SMS: variants seen among roughly 807,000 people sequenced by gnomAD.
SMS encodes spermine synthase, also known as spermidine aminopropyltransferase.
In SMS, 3 loss-of-function variants were observed where a neutral mutation model predicts 33.0. That is an observed-to-expected ratio of 0.09 (90% CI 0.04 to 0.23). The LOEUF (loss-of-function observed/expected upper bound fraction) is 0.23, where lower values mean the gene tolerates loss of function less well. Among genes scored for constraint, SMS ranks in the 10% least tolerant of loss-of-function variants. SMS has a pLI of 1.00. For synonymous variants in SMS, 103 were observed against 112.2 expected, an observed-to-expected ratio of 0.92 and a Z score of 0.52; for missense variants, 117 against 288.6, an observed-to-expected ratio of 0.41 and a Z score of 4.31.
Position 21,984,431 on chromosome X carries a change from A to C in SMS, c.865+13A>C. ...TCTCCAGAAGAAGGTAGATTTTTTT[A>C]ACCAAGATATTTATGATGGAAATGT... On this transcript the variant is annotated intron_variant, in intron 8 of 10. Coordinates refer to ENST00000404933, the MANE Select transcript of SMS (RefSeq NM_004595.5). The C allele has an allele frequency of 1.0e-6, 1 of 975,215 alleles. No individual in the cohort carries two copies. The highest frequency in any genetic ancestry group is 3.0e-5 in the East Asian group (1 of 32,835). 80.4% of individuals were successfully genotyped at this position (975,215 alleles called of 1,213,427 possible).
chrX:21,948,985 C>T (rs1922426708), intron 1 of SMS, among the ~76,000 whole-genome samples: 1 of 112,067 alleles, frequency 8.9e-6, no homozygotes, highest in Admixed American at 9.4e-5. Context: ...TACAGCTAGG[C>T]ACTTTTCCAG....
At chrX:21,976,299 T>G (rs1426777823) in intron 4 of SMS, among the ~76,000 whole-genome samples, 1 of 110,918 alleles carries the variant, frequency 9.0e-6, no homozygotes, top group Non-Finnish European at 1.9e-5. Flanking sequence ...CTTAGTAATT[T>G]CAGAGGGTGA....
intron 2 of SMS, among the ~76,000 whole-genome samples, chrX:21,968,845 C>G (rs1264047741): frequency 1.8e-5 from 2 of 111,544 alleles, no homozygotes; most frequent in Admixed American, 1.9e-4. Context: ...ATGAGTGCAC[C>G]AAAATCTCAC....
At position 21,972,521 on chromosome X, in the gene SMS, A is replaced by G. The variant is rs1278592214; in HGVS notation, c.279A>G (p.Val93=). The change falls in exon 4 of 11, where the codon GTA becomes GTG. Residue 93 remains valine, a synonymous_variant. Transcript: ENST00000404933. ...TTTAATTGTAGATTTTGAACAAAGT[A>G]GAGGAAAGAATGAAAGAATTGAGTC... is the stretch of plus-strand genomic sequence containing the variant. The part of the protein sequence containing the change: ...KEEIDSILNK[V]EERMKELSQD... 4.2e-6 allele frequency: 5 copies of G among 1,184,846 alleles called. No homozygotes were observed. In the Admixed American group the frequency reaches 1.1e-4, roughly 26 times the overall value.
chrX:21,953,269 A>G (rs909670481), intron 1 of SMS, among the ~76,000 whole-genome samples: 2 of 104,322 alleles, frequency 1.9e-5, no homozygotes, highest in African/African-American at 7.1e-5. Context: ...ACAAAGAGTT[A>G]AGTTACCTTT....
chrX:21,947,087 T>C (rs930862422), intron 1 of SMS, among the ~76,000 whole-genome samples: 1 of 112,148 alleles, frequency 8.9e-6, no homozygotes, highest in African/African-American at 3.2e-5. Context: ...TGGAAGCATG[T>C]CTTCTTTGTG....
At chrX:21,981,379 G>C (rs1048474572) in intron 7 of SMS, among the ~76,000 whole-genome samples, 1 of 111,351 alleles carries the variant, frequency 9.0e-6, no homozygotes, top group Non-Finnish European at 1.9e-5. Context: ...CCCAAGGAGG[G>C]GGGAGGGGTT....
chrX:21,973,213 G>C (rs1279551532), intron 4 of SMS, among the ~76,000 whole-genome samples: 1 of 112,362 alleles, frequency 8.9e-6, no homozygotes, highest in African/African-American at 3.2e-5. Flanking sequence ...AAGGGAGCTA[G>C]AAAACTCCTG....
intron 1 of SMS, among the ~76,000 whole-genome samples, chrX:21,949,506 A>C (rs147607495): frequency 1.2e-4 from 13 of 112,146 alleles, no homozygotes; most frequent in Non-Finnish European, 1.1e-4. Context: ...AGGTTGGTCT[A>C]CTTTATTTAA....
intron 2 of SMS, among the ~76,000 whole-genome samples, chrX:21,971,002 A>G (rs1288107163): frequency 2.7e-5 from 3 of 109,582 alleles, no homozygotes; most frequent in Non-Finnish European, 5.7e-5. Flanking sequence ...TTCAAGACCC[A>G]CCTGGCCAAC....
chrX:21,977,849 G>A, intron 5 of SMS, 111 bp from the exon 6 acceptor site: 1 of 816,630 alleles, frequency 1.2e-6, no homozygotes. Context: ...TTAAAAAATT[G>A]AAAATGAAAA....
At chrX:21,955,658 C>G (rs751828702) in intron 1 of SMS, among the ~76,000 whole-genome samples, 38 of 111,682 alleles carry the variant, frequency 3.4e-4, no homozygotes, top group African/African-American at 1.1e-3. Context: ...TCCTAATCCT[C>G]TGCCTTGGTT....
chrX:21,970,944 C>A (rs1215248944), intron 2 of SMS, among the ~76,000 whole-genome samples: 1 of 109,615 alleles, frequency 9.1e-6, no homozygotes, highest in East Asian at 2.8e-4. Context: ...CGCCTGTAGT[C>A]TCAACACTTT....
chrX:21,979,953 TA>T lies in SMS; in HGVS notation c.750+998del, dbSNP rs1026415211. 6.5e-3 allele frequency among the ~76,000 whole-genome samples: 604 copies of T among 92,509 alleles called. 4 individuals are homozygous for T. The highest frequency in any genetic ancestry group is 0.022 in the African/African-American group (552 of 25,167). 80.3% of individuals were successfully genotyped at this position (92,509 alleles called of 115,157 possible). A position where few individuals can be genotyped will look rare whatever the true frequency, so the allele number is the denominator to read the frequency against. On this transcript the variant is annotated intron_variant, in intron 7 of 10. Coordinates refer to ENST00000404933, the MANE Select transcript of SMS (RefSeq NM_004595.5). ...TCTCAAAAAAAAAAAAAAATCTTAA[TA>T]AAAAAAAAAACCTTAATAATAATAA... is the stretch of plus-strand genomic sequence containing the variant.
rs1308858664 is a variant in SMS, at chrX:21,994,727, TC to T, written c.*377del. On this transcript the variant is annotated 3_prime_UTR_variant, in exon 11 of 11. Coordinates refer to ENST00000404933, the MANE Select transcript of SMS (RefSeq NM_004595.5). ...CATCGTTGTTTTGCTGGAGGGAAGATCTTGATGGTGTTTCTTTCCCCAAAAA... is the reference window on the plus strand; with the variant it reads ...CATCGTTGTTTTGCTGGAGGGAAGATTTGATGGTGTTTCTTTCCCCAAAAA... The T allele has an allele frequency of 1.3e-6, 1 of 776,377 alleles. No individual in the cohort carries two copies. Among genetic ancestry groups the T allele is most frequent in the Non-Finnish European group, 1.5e-6 (1 of 654,952 alleles). 64.0% of individuals were successfully genotyped at this position (776,377 alleles called of 1,213,427 possible).
At chrX:21,964,456 G>GTGAGGAA (rs1923562785) in intron 1 of SMS, among the ~76,000 whole-genome samples, 1 of 111,453 alleles carries the variant, frequency 9.0e-6, no homozygotes, top group South Asian at 3.8e-4. Flanking sequence ...TGGCTAGCCA[G>GTGAGGAA]ACCCCTGCAT....
intron 1 of SMS, among the ~76,000 whole-genome samples, chrX:21,958,603 A>G (rs906837308): frequency 1.8e-5 from 2 of 112,332 alleles, no homozygotes; most frequent in African/African-American, 6.5e-5. Context: ...CTTAGCCATC[A>G]CCCTTATTCC....
At chrX:21,986,350 A>C (rs1925332817) in intron 9 of SMS, among the ~76,000 whole-genome samples, 1 of 11,257 alleles carries the variant, frequency 8.9e-5, no homozygotes, top group African/African-American at 2.4e-4. Context: ...TACATCTCAA[A>C]AAAAAAAAAA....
At chrX:21,943,366 A>G (rs1202948024) in intron 1 of SMS, among the ~76,000 whole-genome samples, 1 of 112,168 alleles carries the variant, frequency 8.9e-6, no homozygotes, top group Non-Finnish European at 1.9e-5. Context: ...GACACTGTCC[A>G]GGAGAACCAT....
Sources: gnomAD v4.1 joint callset for allele counts (sites outside exome capture counted in the v4.1 genomes callset) on GRCh38, gnomAD v4.1.1 for gene constraint, MANE v1.5 for transcripts, NCBI Gene and HGNC (gene_info 2026-07-23, HGNC 2026-07-21) for gene names.